ELMOD3: variants seen among roughly 807,000 people sequenced by gnomAD.
ELMOD3 encodes the protein ELMO domain containing 3.
A neutral mutation model predicts 47.4 loss-of-function variants in ELMOD3; 36 were observed. The observed-to-expected ratio is 0.76, with a 90% CI of 0.58 to 1.00. The LOEUF is 1.00. Among genes scored for constraint, ELMOD3 ranks in the 50% least tolerant of loss-of-function variants. The pLI, the probability that ELMOD3 is intolerant of heterozygous loss-of-function variation, is 0.00. For missense variants in ELMOD3, 404 were observed against 463.8 expected (o/e 0.87, Z 1.18); for synonymous variants, 149 against 183.5 (o/e 0.81, Z 1.52).
In ELMOD3 at chr2:85,376,643, C is replaced by T. The variant is rs1002884192; in HGVS notation, c.608-701C>T. Reference sequence around the variant, plus strand: ...TTAGGCCAGGATGGAAGTCTAGGGTCCCTGCTCAGCCTTTTCTGGAGAAGA... The same window carrying T: ...TTAGGCCAGGATGGAAGTCTAGGGTTCCTGCTCAGCCTTTTCTGGAGAAGA... On this transcript the variant is annotated intron_variant, in intron 10 of 13. Coordinates refer to ENST00000409013, the MANE Select transcript of ELMOD3 (RefSeq NM_001135022.2). The surrounding 1 kb of genome is among the most constrained non-coding windows in gnomAD (Gnocchi z 4.2). Among the ~76,000 whole-genome samples the T allele has an allele frequency of 6.6e-6, 1 of 152,164 alleles. No individual in the cohort carries two copies. The highest frequency in any genetic ancestry group is 1.5e-5 in the Non-Finnish European group (1 of 68,032).
At position 85,390,261 on chromosome 2, in the gene ELMOD3, C is replaced by G. The variant is rs774170387; in HGVS notation, c.939C>G (p.Leu313=). 6.8e-6 allele frequency: 11 copies of G among 1,614,206 alleles called. No individual in the cohort carries two copies. Among genetic ancestry groups the G allele is most frequent in the Non-Finnish European group, 9.3e-6 (11 of 1,180,040 alleles). ...CCATCTCAGACTCGGGCTTTGTCCT[C>G]AAAGGTGTGCTCTTTCTTCTGGGGA... ...RKTISDSGFV[L]KELEVLAKKS... is the part of the protein sequence containing the mutation. Residue 313 remains leucine, a synonymous_variant, in exon 13 of 14, where the codon CTC becomes CTG. Coordinates refer to ENST00000409013, the MANE Select transcript of ELMOD3 (RefSeq NM_001135022.2).
intron 11 of ELMOD3, among the ~76,000 whole-genome samples, chr2:85,380,745 G>C (rs949987157): frequency 6.6e-6 from 1 of 152,146 alleles, no homozygotes; most frequent in Non-Finnish European, 1.5e-5. Flanking sequence ...GGCTGGTCTT[G>C]AACTCCTGAC....
intron 11 of ELMOD3, among the ~76,000 whole-genome samples, chr2:85,381,376 G>A (rs1184566516): frequency 6.6e-6 from 1 of 152,212 alleles, no homozygotes; most frequent in Non-Finnish European, 1.5e-5. Flanking sequence ...TTCCTTGAGA[G>A]CGGAGACTTG....
Position 85,363,116 on chromosome 2 carries a change from A to G in ELMOD3, c.149A>G (p.His50Arg), listed in dbSNP as rs369240642. The G allele has an allele frequency of 1.2e-6, 2 of 1,611,882 alleles. No individual in the cohort carries two copies. The highest frequency in any genetic ancestry group is 1.3e-5 in the African/African-American group (1 of 74,856). The change falls in exon 6 of 14, where the codon CAT (histidine) becomes CGT (arginine). Residue 50 changes from histidine (H) to arginine (R), a missense_variant. Transcript: ENST00000409013. Reference sequence around the variant, plus strand: ...CTACAGATCTCAGAGTTGAAGAACCATGGCATTCTCCAGGCTCTGACCACA... The same window carrying G: ...CTACAGATCTCAGAGTTGAAGAACCGTGGCATTCTCCAGGCTCTGACCACA... Reference protein sequence around the residue: ...RGIPISELKNHGILQALTTEA... With the variant: ...RGIPISELKNRGILQALTTEA...
At chr2:85,384,724 T>C (rs1231445515) in intron 11 of ELMOD3, among the ~76,000 whole-genome samples, 1 of 152,140 alleles carries the variant, frequency 6.6e-6, no homozygotes, top group Non-Finnish European at 1.5e-5. Flanking sequence ...GGACTACAGG[T>C]GTGCCGTACC....
At chr2:85,363,567 C>T (rs1314750386) in intron 6 of ELMOD3, among the ~76,000 whole-genome samples, 2 of 152,250 alleles carry the variant, frequency 1.3e-5, no homozygotes, top group African/African-American at 4.8e-5. Flanking sequence ...AGGTACACTC[C>T]AGCCTGGCCA....
chr2:85,360,634 C>T (rs544121302), intron 4 of ELMOD3, among the ~76,000 whole-genome samples: 5 of 151,790 alleles, frequency 3.3e-5, no homozygotes, highest in South Asian at 2.1e-4. Flanking sequence ...GGATTACAGG[C>T]GTGGGCTACC....
chr2:85,373,155 T>G (rs1684919805), intron 10 of ELMOD3, among the ~76,000 whole-genome samples: 1 of 151,420 alleles, frequency 6.6e-6, no homozygotes, highest in Non-Finnish European at 1.5e-5. Flanking sequence ...CTCAGGAGGC[T>G]GAGGCAGGAG....
chr2:85,388,631 A>G (rs1686099068), intron 11 of ELMOD3, among the ~76,000 whole-genome samples: 5 of 152,208 alleles, frequency 3.3e-5, no homozygotes, highest in Admixed American at 2.6e-4. Context: ...GCAGTTCAGC[A>G]CTGTCCAGAA....
intron 13 of ELMOD3, 172 bp downstream of exon 13, chr2:85,390,437 C>A (rs1294562819): frequency 6.2e-7 from 1 of 1,614,072 alleles, no homozygotes; most frequent in East Asian, 2.2e-5. Context: ...GCTAGTTCTC[C>A]TTTCTCTGCC....
Position 85,357,032 on chromosome 2 carries a change from A to G in ELMOD3, c.-167A>G. On this transcript the variant is annotated 5_prime_UTR_variant, in exon 4 of 14. The change abolishes an upstream ATG in the 5' untranslated region. Transcript: ENST00000409013. ...TCACAGAAACCTCCTACACCCTCGG[A>G]TGGCACAAAGGGACTGTTTTCTTAC... The G allele has an allele frequency of 1.8e-6, 1 of 546,122 alleles. No individual in the cohort carries two copies. The highest frequency in any genetic ancestry group is 3.2e-6 in the Non-Finnish European group (1 of 308,378). The allele number at this position is 546,122 out of a possible 1,614,324, so 33.8% of individuals were successfully genotyped here.
chr2:85,375,202 G>T (rs907454635), intron 10 of ELMOD3, among the ~76,000 whole-genome samples: 1 of 152,186 alleles, frequency 6.6e-6, no homozygotes, highest in Non-Finnish European at 1.5e-5. Flanking sequence ...TGAGTCTGTA[G>T]GTTTGTGTCT....
chr2:85,368,675 T>A lies in ELMOD3; in HGVS notation c.200-11T>A. ...GATCTCAGAGGGTCTCCTTTTCTCC[T>A]ACTATTGCAGTTGTGAGTACAGAGG... On this transcript the variant is annotated splice_polypyrimidine_tract_variant and intron_variant, in intron 6 of 13. Transcript: ENST00000409013. 2 of 1,613,940 alleles carry A rather than the reference T, an allele frequency of 1.2e-6. No homozygotes were observed. The highest frequency in any genetic ancestry group is 1.7e-6 in the Non-Finnish European group (2 of 1,179,920).
intron 12 of ELMOD3, 137 bp from the exon 13 acceptor site, chr2:85,390,001 T>A (rs1269741534): frequency 8.9e-7 from 1 of 1,119,232 alleles, no homozygotes; most frequent in East Asian, 2.3e-5. Context: ...GCCTTAGATG[T>A]CAGGCTCCTG....
chr2:85,389,619 T>A, intron 11 of ELMOD3, 132 bp from the exon 12 acceptor site: 1 of 675,500 alleles, frequency 1.5e-6, no homozygotes, highest in Non-Finnish European at 2.6e-6. Flanking sequence ...TTAGGAAAAT[T>A]AAGTGGAAGC....
chr2:85,360,827 G>GT, intron 4 of ELMOD3: 1 of 273,720 alleles, frequency 3.7e-6, no homozygotes, highest in South Asian at 4.4e-5. Flanking sequence ...TCTTTCACTG[G>GT]TAGAATTACT....
rs774583444 is a variant in ELMOD3, at chr2:85,368,707, G to C, written c.221G>C (p.Arg74Thr). 6.2e-6 allele frequency: 10 copies of C among 1,614,146 alleles called. No individual in the cohort carries two copies. The Admixed American group carries it at 8.3e-5, about 13-fold the overall frequency. ...GCAGTTGTGAGTACAGAGGTGGTCA[G>C]AGCCCAAGAAGAATGGGAAGCTGTG... ...EPRVVSTEVV[R>T]AQEEWEAVDT... Residue 74 changes from arginine to threonine, a missense_variant, in exon 7 of 14, where the codon AGA becomes ACA. By Grantham distance (71) the Arg-to-Thr change is moderately conservative. Coordinates refer to ENST00000409013, the MANE Select transcript of ELMOD3 (RefSeq NM_001135022.2).
chr2:85,369,961 G>A, intron 8 of ELMOD3, 131 bp downstream of exon 8: 1 of 1,143,318 alleles, frequency 8.7e-7, no homozygotes, highest in Non-Finnish European at 1.2e-6. Flanking sequence ...GATCATGGGT[G>A]GCCTAGGACC....
chr2:85,358,984 T>G (rs1414975947), intron 4 of ELMOD3, among the ~76,000 whole-genome samples: 1 of 152,226 alleles, frequency 6.6e-6, no homozygotes, highest in Non-Finnish European at 1.5e-5. Context: ...GCTTTTTCAC[T>G]TAATACATCA....
Sources: allele counts gnomAD v4.1 joint callset (sites outside exome capture counted in the v4.1 genomes callset), GRCh38; gene constraint gnomAD v4.1.1; non-coding constraint Gnocchi (gnomAD v3.1); transcripts MANE v1.5; gene names NCBI Gene and HGNC (gene_info 2026-07-23, HGNC 2026-07-21).